Variants in OR4N2 observed in about 807,000 individuals in gnomAD.
OR4N2 encodes olfactory receptor family 4 subfamily N member 2.
For synonymous variants in OR4N2, 141 were observed against 140.4 expected (o/e 1.00, Z -0.03); for missense variants, 307 against 377.6 (o/e 0.81, Z 1.55).
chr14:19,824,352 C>A (rs959388137), intron 1 of OR4N2, among the ~76,000 whole-genome samples: 7 of 152,210 alleles, frequency 4.6e-5, no homozygotes, highest in Admixed American at 4.6e-4. Context: ...AGTACAGAAT[C>A]CCATCTGTTA....
chr14:19,812,580 G>T (rs899047929), intron 1 of OR4N2, among the ~76,000 whole-genome samples: 1 of 152,030 alleles, frequency 6.6e-6, no homozygotes, highest in African/African-American at 2.4e-5. Context: ...GAATGGTCTC[G>T]GTCTCCTGAC....
At chr14:19,817,166 T>C (rs143109027) in intron 1 of OR4N2, among the ~76,000 whole-genome samples, 1,736 of 151,264 alleles carry the variant, frequency 0.011, 4 homozygotes, top group Middle Eastern at 0.043. Flanking sequence ...TTTATGTGTG[T>C]CTCTGCCAGG....
chr14:19,807,994 T>C (rs1252462275), intron 1 of OR4N2, among the ~76,000 whole-genome samples: 5 of 152,186 alleles, frequency 3.3e-5, no homozygotes, highest in African/African-American at 9.6e-5. Flanking sequence ...CACATGATCA[T>C]CTCAATAGAT....
At chr14:19,813,104 A>G (rs1347621121) in intron 1 of OR4N2, among the ~76,000 whole-genome samples, 1 of 152,258 alleles carries the variant, frequency 6.6e-6, no homozygotes, top group Non-Finnish European at 1.5e-5. Context: ...GTGAACATTA[A>G]GAGGTGAGTA....
chr14:19,819,703 A>G (rs1448513201), intron 1 of OR4N2, among the ~76,000 whole-genome samples: 14 of 152,200 alleles, frequency 9.2e-5, no homozygotes, highest in Admixed American at 9.2e-4. Context: ...TGTCAAACTC[A>G]TTCTCCATCC....
At chr14:19,807,688 C>T (rs1265211083) in intron 1 of OR4N2, among the ~76,000 whole-genome samples, 1 of 152,128 alleles carries the variant, frequency 6.6e-6, no homozygotes, top group Non-Finnish European at 1.5e-5. Flanking sequence ...TTTATTGAAA[C>T]TATTCCAAAA....
chr14:19,818,164 T>C (rs1219038129), intron 1 of OR4N2, among the ~76,000 whole-genome samples: 1 of 152,240 alleles, frequency 6.6e-6, no homozygotes, highest in Non-Finnish European at 1.5e-5. Context: ...ATATATTCTG[T>C]TGATTTGGGG....
rs201593869 is a variant in OR4N2 at position 19,827,686 on chromosome 14, C to G, written c.238C>G (p.Arg80Gly). Residue 80 changes from arginine to glycine, a missense_variant, in exon 2 of 2, where the codon CGG (arginine) becomes GGG (glycine). Physicochemically the swap from Arg to Gly is moderately radical, Grantham distance 125 (BLOSUM62 -2). Coordinates refer to ENST00000557677, the MANE Select transcript of OR4N2 (RefSeq NM_001004723.3). ...DASYSFIVAP[R>G]MLVDFLSAKK... Reference sequence around the variant, plus strand: ...ATCCTACTCCTTCATTGTGGCTCCCCGGATGTTGGTGGACTTCCTCTCTGC... The same window carrying G: ...ATCCTACTCCTTCATTGTGGCTCCCGGGATGTTGGTGGACTTCCTCTCTGC... The G allele has an allele frequency of 1.9e-6, 3 of 1,614,208 alleles. No individual in the cohort carries two copies. The highest frequency in any genetic ancestry group is 1.7e-6 in the Non-Finnish European group (2 of 1,180,014).
intron 1 of OR4N2, among the ~76,000 whole-genome samples, chr14:19,825,462 T>C (rs1418111238): frequency 1.3e-5 from 2 of 150,992 alleles, no homozygotes; most frequent in African/African-American, 4.9e-5. Flanking sequence ...CTAGGTACTG[T>C]TGCAGTAGCA....
chr14:19,816,829 G>A, intron 1 of OR4N2, among the ~76,000 whole-genome samples: 1 of 152,232 alleles, frequency 6.6e-6, no homozygotes, highest in East Asian at 1.9e-4. Flanking sequence ...TTGGCTGTGG[G>A]TGTGTCATAA....
At chr14:19,811,792 G>A (rs2635546) in intron 1 of OR4N2, among the ~76,000 whole-genome samples, 12,841 of 149,628 alleles carry the variant, frequency 0.086, 143 homozygotes, top group East Asian at 0.25. Context: ...ATGAAAGGGA[G>A]CCTCTCCAGT....
chr14:19,805,595 A>T, intron 1 of OR4N2, among the ~76,000 whole-genome samples: 1 of 152,198 alleles, frequency 6.6e-6, no homozygotes, highest in South Asian at 2.1e-4. Context: ...TTACATAAAG[A>T]GACCAAATCT....
chr14:19,827,703 C>G lies in OR4N2; in HGVS notation c.255C>G (p.Phe85Leu), dbSNP rs139052676. Residue 85 changes from phenylalanine (F) to leucine (L), a missense_variant, in exon 2 of 2, where the codon TTC becomes TTG. By Grantham distance (22) the Phe-to-Leu change is conservative (BLOSUM62 0). Transcript: ENST00000557677. ...TGGCTCCCCGGATGTTGGTGGACTT[C>G]CTCTCTGCGAAGAAGATAATCTCCT... ...FIVAPRMLVD[F>L]LSAKKIISYR... 49 of 1,614,108 alleles carry G rather than the reference C, an allele frequency of 3.0e-5. No homozygotes were observed. In the African/African-American group the frequency reaches 5.2e-4, roughly 17 times the overall value.
chr14:19,823,941 G>A (rs1219270574), intron 1 of OR4N2, among the ~76,000 whole-genome samples: 1 of 152,250 alleles, frequency 6.6e-6, no homozygotes, highest in Non-Finnish European at 1.5e-5. Context: ...CTCCAGGCAT[G>A]CACACACAGA....
chr14:19,818,036 A>C (rs1053308655), intron 1 of OR4N2, among the ~76,000 whole-genome samples: 1 of 152,254 alleles, frequency 6.6e-6, no homozygotes, highest in East Asian at 1.9e-4. Context: ...ATTTGATTGC[A>C]CTGTGGTCTG....
intron 1 of OR4N2, among the ~76,000 whole-genome samples, chr14:19,813,942 T>G (rs1194267311): frequency 1.3e-5 from 2 of 151,900 alleles, no homozygotes; most frequent in African/African-American, 4.8e-5. Context: ...TTGTAAATTT[T>G]TCTGTACTTC....
Position 19,828,292 on chromosome 14 carries a change from T to C in OR4N2, c.844T>C (p.Leu282=), listed in dbSNP as rs1308729743. 4 of 1,614,144 alleles carry C rather than the reference T, an allele frequency of 2.5e-6. No homozygotes were observed. In the African/African-American group the frequency reaches 5.3e-5, roughly 22 times the overall value. ...SLFHTVIFPL[L]NPVIYTLRNQ... ...CTTCCACACAGTGATTTTTCCTTTG[T>C]TGAATCCTGTCATTTATACCCTTCG... The change falls in exon 2 of 2, where the codon TTG becomes CTG. Residue 282 remains leucine, a synonymous_variant. Transcript: ENST00000557677.
At chr14:19,824,772 T>A (rs1440381085) in intron 1 of OR4N2, among the ~76,000 whole-genome samples, 1 of 152,280 alleles carries the variant, frequency 6.6e-6, no homozygotes, top group Non-Finnish European at 1.5e-5. Context: ...TATATTTTAT[T>A]TTCTGTAGCT....
At chr14:19,813,992 T>C (rs61030655) in intron 1 of OR4N2, among the ~76,000 whole-genome samples, 29,393 of 146,794 alleles carry the variant, frequency 0.2, 1,851 homozygotes, top group Middle Eastern at 0.29. Context: ...TTTCTACTCT[T>C]ACACTTTGTT....
Sources: gnomAD v4.1 joint callset for allele counts (sites outside exome capture counted in the v4.1 genomes callset) on GRCh38, gnomAD v4.1.1 for gene constraint, MANE v1.5 for transcripts, NCBI Gene and HGNC (gene_info 2026-07-23, HGNC 2026-07-21) for gene names.